The following SLC22A4 variants were observed in gnomAD, a reference collection of about 807,000 sequenced individuals.
SLC22A4 encodes solute carrier family 22 member 4.
In SLC22A4, 39 loss-of-function variants were observed where a neutral mutation model predicts 56.6. The observed-to-expected ratio is 0.69, with a 90% CI of 0.53 to 0.90. SLC22A4 has a LOEUF of 0.90. Ranked by LOEUF, SLC22A4 falls within the 40% of genes least tolerant of loss-of-function variation. The probability of loss-of-function intolerance (pLI) is 0.00; values close to 1 mark genes in which losing one functional copy is unlikely to be tolerated. For synonymous variants in SLC22A4, 241 were observed against 281.4 expected, an observed-to-expected ratio of 0.86 and a Z score of 1.44; for missense variants, 594 against 696.5, an observed-to-expected ratio of 0.85 and a Z score of 1.66.
intron 5 of SLC22A4, among the ~76,000 whole-genome samples, chr5:132,330,837 T>A (rs779976094): frequency 1.3e-5 from 2 of 152,180 alleles, no homozygotes; most frequent in Non-Finnish European, 2.9e-5. Context: ...TCCTCAATGA[T>A]ACAGTAATAA....
At chr5:132,320,357 TAAG>T (rs1750495662) in intron 3 of SLC22A4, among the ~76,000 whole-genome samples, 1 of 152,240 alleles carries the variant, frequency 6.6e-6, no homozygotes, top group Non-Finnish European at 1.5e-5. Flanking sequence ...AATCTCTGCT[TAAG>T]AATAAAGCAC....
At chr5:132,324,409 C>T (rs1242521789) in intron 4 of SLC22A4, 3 of 432,200 alleles carry the variant, frequency 6.9e-6, no homozygotes, top group Non-Finnish European at 1.4e-5. Flanking sequence ...GTCCATCCCA[C>T]AGGGAGCCTG....
rs1751288449 is a variant in SLC22A4, at chr5:132,343,822, T to G, written c.1643T>G (p.Ile548Arg). 6.2e-7 allele frequency: 1 copy of G among 1,602,706 alleles called. No individual in the cohort carries two copies. The highest frequency in any genetic ancestry group is 8.5e-7 in the Non-Finnish European group (1 of 1,170,200). The change falls in exon 10 of 10, where the codon ATA becomes AGA. Residue 548 changes from isoleucine to arginine, a missense_variant. By Grantham distance (97) the Ile-to-Arg change is moderately conservative. Coordinates refer to ENST00000200652, the MANE Select transcript of SLC22A4 (RefSeq NM_003059.3). ...ACAGAAGAAAATCCCAAGGTTCTAA[T>G]AACTGCATTCTGAAAAAATATCTAC... ...METEENPKVL[I>R]TAF
chr5:132,328,396 C>T (rs1050608150), intron 5 of SLC22A4, among the ~76,000 whole-genome samples: 14 of 152,222 alleles, frequency 9.2e-5, no homozygotes, highest in Non-Finnish European at 2.1e-4. Context: ...CTCACCCCCA[C>T]GGCTTCCCCA....
rs566955677 is a variant in SLC22A4 at position 132,333,213 on chromosome 5, G to A, written c.1046+1363G>A. ...TTCTACACAGGGGTGTCTGCATAGTGCAGTTGTAACAAAAACTCAGGTTCA... is the reference window on the plus strand; with the variant it reads ...TTCTACACAGGGGTGTCTGCATAGTACAGTTGTAACAAAAACTCAGGTTCA... On this transcript the variant is annotated intron_variant, in intron 6 of 9. Coordinates refer to ENST00000200652, the MANE Select transcript of SLC22A4 (RefSeq NM_003059.3). Among the ~76,000 whole-genome samples the A allele has an allele frequency of 5.2e-4, 79 of 152,322 alleles. 1 individual carries two copies. In the South Asian group the frequency reaches 0.016, roughly 32 times the overall value.
At chr5:132,300,562 A>T (rs1024410719) in intron 1 of SLC22A4, among the ~76,000 whole-genome samples, 1 of 152,240 alleles carries the variant, frequency 6.6e-6, no homozygotes, top group African/African-American at 2.4e-5. Context: ...TTGTTAACTT[A>T]TATCAGTACA....
intron 6 of SLC22A4, among the ~76,000 whole-genome samples, chr5:132,333,946 T>C (rs530781308): frequency 2.0e-5 from 3 of 152,260 alleles, no homozygotes; most frequent in African/African-American, 7.2e-5. Flanking sequence ...GCTGGGATTA[T>C]AGGCACATGC....
rs1751007225 is a variant in SLC22A4 at position 132,335,829 on chromosome 5, T to C, written c.1273T>C (p.Leu425=). The change falls in exon 8 of 10, where the codon TTA becomes CTA. Residue 425 remains leucine, a synonymous_variant. Coordinates refer to ENST00000200652, the MANE Select transcript of SLC22A4 (RefSeq NM_003059.3). ...IQLVPVDYYF[L]SIGLVMLGKF... ...GGTCTCTTTTCCAGATTATTACTTCTTATCCATTGGTCTGGTCATGCTGGG... is the reference window on the plus strand; with the variant it reads ...GGTCTCTTTTCCAGATTATTACTTCCTATCCATTGGTCTGGTCATGCTGGG... 1.2e-6 allele frequency: 2 copies of C among 1,613,794 alleles called. No homozygotes were observed. Among genetic ancestry groups the C allele is most frequent in the Admixed American group, 3.3e-5 (2 of 60,030 alleles).
chr5:132,310,521 C>T (rs567715580), intron 1 of SLC22A4, among the ~76,000 whole-genome samples: 7 of 152,304 alleles, frequency 4.6e-5, no homozygotes, highest in African/African-American at 9.6e-5. Flanking sequence ...GAGCCCCAGG[C>T]GAGGCAATCC....
intron 5 of SLC22A4, 96 bp from the exon 6 acceptor site, chr5:132,331,660 A>T: frequency 1.2e-6 from 1 of 847,386 alleles, no homozygotes; most frequent in Non-Finnish European, 2.1e-6. Context: ...AGGTGAAGTG[A>T]GAGTTGCATG....
intron 1 of SLC22A4, chr5:132,295,274 A>C: frequency 1.2e-5 from 8 of 679,316 alleles, no homozygotes; most frequent in East Asian, 3.0e-5. Flanking sequence ...TTCACAACAA[A>C]TGAAGTTTCC....
chr5:132,334,943 A>G lies in SLC22A4; in HGVS notation c.1261+11A>G, dbSNP rs1561547190. ...AACTGGTACCTGTGGGTAAGAAGTT[A>G]ACCAAGATGAACAGCTTACCAGAAA... On this transcript the variant is annotated intron_variant, in intron 7 of 9. Coordinates refer to ENST00000200652, the MANE Select transcript of SLC22A4 (RefSeq NM_003059.3). 1.9e-6 allele frequency: 3 copies of G among 1,573,696 alleles called. No individual in the cohort carries two copies. Among genetic ancestry groups the G allele is most frequent in the Non-Finnish European group, 2.6e-6 (3 of 1,144,344 alleles).
intron 3 of SLC22A4, among the ~76,000 whole-genome samples, chr5:132,319,899 T>C (rs1750480835): frequency 6.6e-6 from 1 of 152,174 alleles, no homozygotes; most frequent in Non-Finnish European, 1.5e-5. Flanking sequence ...CCTGGAATAT[T>C]AGTTTTTATA....
chr5:132,342,438 G>C (rs1751247670), intron 9 of SLC22A4, among the ~76,000 whole-genome samples: 1 of 152,200 alleles, frequency 6.6e-6, no homozygotes, highest in African/African-American at 2.4e-5. Context: ...GATTGCGCAA[G>C]GGTTTTTCTT....
intron 5 of SLC22A4, among the ~76,000 whole-genome samples, chr5:132,328,479 C>G (rs897560441): frequency 6.6e-6 from 1 of 152,158 alleles, no homozygotes; most frequent in African/African-American, 2.4e-5. Context: ...TGGCCATGAA[C>G]TCAAGCTCTC....
intron 5 of SLC22A4, among the ~76,000 whole-genome samples, chr5:132,328,577 AAACAACAACAAC>A (rs4646197): frequency 6.0e-5 from 9 of 150,202 alleles, no homozygotes; most frequent in Non-Finnish European, 1.0e-4. Flanking sequence ...TAAATGGATA[AAACAACAACAAC>A]AACAACAACA....
At chr5:132,295,066 G>GC (rs1749747499) in intron 1 of SLC22A4, 57 bp downstream of exon 1, 1 of 1,555,296 alleles carries the variant, frequency 6.4e-7, no homozygotes, top group Admixed American at 1.9e-5. Flanking sequence ...CTCTGCGTCA[G>GC]CCCCCCTTGA....
At chr5:132,316,819 C>T (rs1223619348) in intron 3 of SLC22A4, among the ~76,000 whole-genome samples, 4 of 152,174 alleles carry the variant, frequency 2.6e-5, no homozygotes, top group Non-Finnish European at 5.9e-5. Context: ...ATATTTTTTA[C>T]TGTTTTTAAA....
rs200543879 is a variant in SLC22A4 at position 132,335,935 on chromosome 5, C to T, written c.1379C>T (p.Ala460Val). 2.6e-5 allele frequency: 42 copies of T among 1,614,154 alleles called. No homozygotes were observed. Among genetic ancestry groups the T allele is most frequent in the Admixed American group, 1.7e-4 (10 of 60,016 alleles). The change falls in exon 8 of 10, where the codon GCG becomes GTG. Residue 460 changes from alanine (A) to valine (V), a missense_variant. Ala to Val is a moderately conservative substitution (Grantham distance 64). Coordinates refer to ENST00000200652, the MANE Select transcript of SLC22A4 (RefSeq NM_003059.3). ...TACCCAACCCTGGTCAGGAACATGG[C>T]GGTGGGGGTCACATCCACGGCCTCC... Reference protein sequence around the residue: ...ELYPTLVRNMAVGVTSTASRV... With the variant: ...ELYPTLVRNMVVGVTSTASRV...
Sources: allele counts gnomAD v4.1 joint callset (sites outside exome capture counted in the v4.1 genomes callset), GRCh38; gene constraint gnomAD v4.1.1; transcripts MANE v1.5; gene names NCBI Gene and HGNC (gene_info 2026-07-23, HGNC 2026-07-21).